Variants in RETREG3 observed in about 807,000 individuals in gnomAD.
RETREG3 encodes reticulophagy regulator 3.
Under a neutral mutation model 50.2 loss-of-function variants are expected in RETREG3, and 23 were observed. The observed-to-expected ratio is 0.46, with a 90% CI of 0.33 to 0.65. The LOEUF (loss-of-function observed/expected upper bound fraction) is 0.65. Ranked by LOEUF, RETREG3 falls within the 30% of genes least tolerant of loss-of-function variation. RETREG3 has a pLI of 0.02. For missense variants in RETREG3, 546 were observed against 598.0 expected (o/e 0.91, Z 0.91); for synonymous variants, 240 against 234.4 (o/e 1.02, Z -0.22).
chr17:42,609,401 C>T (rs1446938886), upstream of RETREG3: 4 of 1,467,342 alleles, frequency 2.7e-6, no homozygotes, highest in Non-Finnish European at 3.7e-6. Flanking sequence ...ATGCGCGATT[C>T]GGCGGGGGAG....
chr17:42,590,430 G>C (rs1278834448), intron 2 of RETREG3, among the ~76,000 whole-genome samples: 1 of 152,076 alleles, frequency 6.6e-6, no homozygotes, highest in Non-Finnish European at 1.5e-5. Flanking sequence ...CCAGTACTTT[G>C]GAAGGCTGAG....
intron 4 of RETREG3, chr17:42,586,423 G>T: frequency 2.4e-6 from 1 of 419,558 alleles, no homozygotes; most frequent in African/African-American, 2.0e-5. Context: ...TGTTGGTGGT[G>T]GTTTTTTAAG....
intron 1 of RETREG3, 166 bp downstream of exon 1, chr17:42,608,920 G>A (rs2093173618): frequency 6.1e-6 from 4 of 657,584 alleles, no homozygotes; most frequent in South Asian, 3.9e-5. Flanking sequence ...AAGAACTAGG[G>A]TGCCGAAGCC....
chr17:42,580,584 G>A lies in RETREG3; in HGVS notation c.*1229C>T, dbSNP rs1471563936. On this transcript the variant is annotated 3_prime_UTR_variant, in exon 9 of 9. Transcript: ENST00000309428. ...CAGCCAGCTGATCCCCCTGGGCCAA[G>A]GTAATGTAGAAGAGGCCCATCCCCA... is the stretch of plus-strand genomic sequence containing the variant. The A allele has an allele frequency of 6.5e-6, 1 of 152,674 alleles. No homozygotes were observed. The highest frequency in any genetic ancestry group is 1.5e-5 in the Non-Finnish European group (1 of 68,040). 9.5% of individuals were successfully genotyped at this position (152,674 alleles called of 1,614,324 possible).
At chr17:42,600,381 C>T (rs756297209) in intron 1 of RETREG3, among the ~76,000 whole-genome samples, 2 of 149,124 alleles carry the variant, frequency 1.3e-5, no homozygotes, top group African/African-American at 2.5e-5. Flanking sequence ...GACCCTGTCT[C>T]GAAAAGAAAA....
At chr17:42,586,594 T>TTAA (rs1255715978) in intron 4 of RETREG3, among the ~76,000 whole-genome samples, 171 bp downstream of exon 4, 1 of 152,172 alleles carries the variant, frequency 6.6e-6, no homozygotes, top group East Asian at 1.9e-4. Context: ...CAAGCTCCTG[T>TTAA]GTTAGTCCTA....
chr17:42,587,283 G>A (rs2093123277), intron 3 of RETREG3, among the ~76,000 whole-genome samples: 1 of 152,202 alleles, frequency 6.6e-6, no homozygotes, highest in African/African-American at 2.4e-5. Flanking sequence ...AGGAAATGGT[G>A]GATGTGCCCC....
intron 1 of RETREG3, among the ~76,000 whole-genome samples, chr17:42,604,287 A>G (rs1056248358): frequency 6.6e-6 from 1 of 152,162 alleles, no homozygotes; most frequent in African/African-American, 2.4e-5. Context: ...GCAGATCCCA[A>G]CAGAGATCTC....
rs184502229 is a variant in RETREG3, at chr17:42,591,085, G to A, written c.346+971C>T. On this transcript the variant is annotated intron_variant, in intron 2 of 8. Coordinates refer to ENST00000309428, the MANE Select transcript of RETREG3 (RefSeq NM_178126.4). ...CTGGCCATATGATCAATTCTCTGATGTCAGGAAATGCTTTGCAACTTCTGG... is the reference window on the plus strand; with the variant it reads ...CTGGCCATATGATCAATTCTCTGATATCAGGAAATGCTTTGCAACTTCTGG... Among the ~76,000 whole-genome samples the A allele has an allele frequency of 1.1e-4, 17 of 152,290 alleles. No individual in the cohort carries two copies. In the East Asian group the frequency reaches 2.7e-3, roughly 24 times the overall value.
At chr17:42,590,947 A>G (rs1459408169) in intron 2 of RETREG3, among the ~76,000 whole-genome samples, 1 of 152,242 alleles carries the variant, frequency 6.6e-6, no homozygotes, top group African/African-American at 2.4e-5. Context: ...AGCCTGGCCA[A>G]CAGAGTGAGA....
chr17:42,599,939 A>G (rs917026134), intron 1 of RETREG3, among the ~76,000 whole-genome samples: 6 of 152,172 alleles, frequency 3.9e-5, no homozygotes, highest in African/African-American at 1.2e-4. Context: ...GGTTGCAGCG[A>G]GCCGTTATCG....
At chr17:42,597,088 G>T (rs1472666918) in intron 1 of RETREG3, among the ~76,000 whole-genome samples, 1 of 151,850 alleles carries the variant, frequency 6.6e-6, no homozygotes. Flanking sequence ...TGGCTAGGCT[G>T]GTCTCAAACT....
chr17:42,585,054 T>G, intron 6 of RETREG3, 71 bp downstream of exon 6: 3 of 1,574,282 alleles, frequency 1.9e-6, no homozygotes, highest in Admixed American at 1.7e-5. Context: ...CCACCCAGTA[T>G]GTCAGACCTA....
At chr17:42,605,862 G>C (rs2093166966) in intron 1 of RETREG3, among the ~76,000 whole-genome samples, 1 of 151,806 alleles carries the variant, frequency 6.6e-6, no homozygotes, top group African/African-American at 2.4e-5. Context: ...GTGATGGTGG[G>C]TGCCTGTAAT....
chr17:42,593,533 C>T (rs1371366060), intron 1 of RETREG3, among the ~76,000 whole-genome samples: 1 of 151,424 alleles, frequency 6.6e-6, no homozygotes, highest in Non-Finnish European at 1.5e-5. Flanking sequence ...GCCTGTAGTC[C>T]CAGCTGCTCG....
At chr17:42,596,168 A>G (rs984774811) in intron 1 of RETREG3, among the ~76,000 whole-genome samples, 3 of 151,480 alleles carry the variant, frequency 2.0e-5, no homozygotes, top group African/African-American at 7.3e-5. Context: ...CAGGAGTTCG[A>G]GACCAGCCTG....
intron 4 of RETREG3, 146 bp from the exon 5 acceptor site, chr17:42,586,283 T>C: frequency 1.4e-6 from 1 of 707,178 alleles, no homozygotes; most frequent in Non-Finnish European, 2.4e-6. Flanking sequence ...GGTGATTCTG[T>C]TTGGGAAGAA....
In RETREG3 at chr17:42,606,587, C is replaced by T. The variant is rs148069372; in HGVS notation, c.239+2499G>A. Among the ~76,000 whole-genome samples, 60 of 144,090 alleles carry T rather than the reference C, an allele frequency of 4.2e-4. 1 individual carries two copies. In the East Asian group the frequency reaches 8.6e-3, roughly 21 times the overall value. The allele number at this position is 144,090 out of a possible 152,430, so 94.5% of individuals were successfully genotyped here. On this transcript the variant is annotated intron_variant, in intron 1 of 8. Coordinates refer to ENST00000309428, the MANE Select transcript of RETREG3 (RefSeq NM_178126.4). ...CTGCACTCCAGCCTGGGCGACAGAG[C>T]GAGACTCCATCTCAAAAAACAAAAA... is the stretch of plus-strand genomic sequence containing the variant.
chr17:42,590,232 G>A (rs1485822717), intron 2 of RETREG3, among the ~76,000 whole-genome samples: 1 of 151,990 alleles, frequency 6.6e-6, no homozygotes, highest in Non-Finnish European at 1.5e-5. Context: ...TTAGCTGGGT[G>A]TGGTGGTATG....
Sources: gnomAD v4.1 joint callset for allele counts (sites outside exome capture counted in the v4.1 genomes callset) on GRCh38, gnomAD v4.1.1 for gene constraint, MANE v1.5 for transcripts, NCBI Gene and HGNC (gene_info 2026-07-23, HGNC 2026-07-21) for gene names.